SNX19: variants seen among roughly 807,000 people sequenced by gnomAD.
The protein encoded by SNX19 is sorting nexin 19.
In SNX19, 60 loss-of-function variants were observed where a neutral mutation model predicts 85.2. That is an observed-to-expected ratio of 0.70 (90% confidence interval 0.57 to 0.87). The LOEUF (loss-of-function observed/expected upper bound fraction) is 0.87, where lower values mean the gene tolerates loss of function less well. Ranked by LOEUF, SNX19 falls within the 40% of genes least tolerant of loss-of-function variation. The pLI, the probability that SNX19 is intolerant of heterozygous loss-of-function variation, is 0.00. For synonymous variants in SNX19, 520 were observed against 470.0 expected (o/e 1.11, Z -1.38); for missense variants, 1,201 against 1,217.8 (o/e 0.99, Z 0.21).
At chr11:130,905,277 C>T (rs1945577187) in intron 7 of SNX19, among the ~76,000 whole-genome samples, 1 of 152,178 alleles carries the variant, frequency 6.6e-6, no homozygotes, top group Non-Finnish European at 1.5e-5. Context: ...CTTCTCCCTC[C>T]CTACTTTATG....
chr11:130,909,493 T>C, intron 4 of SNX19, among the ~76,000 whole-genome samples: 1 of 152,224 alleles, frequency 6.6e-6, no homozygotes, highest in East Asian at 1.9e-4. Context: ...AGCTCTGACA[T>C]GTTACACAAA....
At chr11:130,900,590 T>C (rs1207956141) in intron 8 of SNX19, among the ~76,000 whole-genome samples, 2 of 152,194 alleles carry the variant, frequency 1.3e-5, no homozygotes, top group East Asian at 3.9e-4. Flanking sequence ...TTATTCAAAC[T>C]TCAGGTCAAC....
At chr11:130,897,772 G>C (rs1259680363) in intron 8 of SNX19, among the ~76,000 whole-genome samples, 1 of 152,172 alleles carries the variant, frequency 6.6e-6, no homozygotes, top group Non-Finnish European at 1.5e-5. Flanking sequence ...ATCTGATTCT[G>C]ATGTTTGCAG....
At position 130,866,780 on chromosome 11, in the gene SNX19, T is replaced by C. The variant is rs1259412485; in HGVS notation, c.*11642A>G. Reference sequence around the variant, plus strand: ...TGAAACACTGAAGGCTTTAGGTTCATACCTGTATACGAAGGATAGTCCTGG... The same window carrying C: ...TGAAACACTGAAGGCTTTAGGTTCACACCTGTATACGAAGGATAGTCCTGG... On this transcript the variant is annotated 3_prime_UTR_variant, in exon 11 of 11. Transcript: ENST00000265909. The C allele has an allele frequency of 6.6e-6, 1 of 152,204 alleles. No homozygotes were observed. The highest frequency in any genetic ancestry group is 1.5e-5 in the Non-Finnish European group (1 of 68,048). The allele number at this position is 152,204 out of a possible 1,614,324, so 9.4% of individuals were successfully genotyped here.
rs1945365820 is a variant in SNX19, at chr11:130,903,052, AC to A, written c.2573+202del. 8.3e-5 allele frequency: 49 copies of A among 591,276 alleles called. 2 individuals are homozygous for A. In the South Asian group the frequency reaches 1.1e-3, roughly 13 times the overall value. 36.6% of individuals were successfully genotyped at this position (591,276 alleles called of 1,614,324 possible). On this transcript the variant is annotated intron_variant, in intron 8 of 10. Coordinates refer to ENST00000265909, the MANE Select transcript of SNX19 (RefSeq NM_014758.3). ...CTCAGTACATTATGCCAGAAGTCTT[AC>A]AGTCTTACTTTCAAATTGTAGACAA...
At chr11:130,913,161 T>G (rs1384208159) in intron 1 of SNX19, among the ~76,000 whole-genome samples, 1 of 152,166 alleles carries the variant, frequency 6.6e-6, no homozygotes, top group East Asian at 1.9e-4. Context: ...AAAAACCTGC[T>G]GTTTTATGTC....
At chr11:130,906,795 C>T (rs6590536) in intron 5 of SNX19, 74 bp from the exon 6 acceptor site, 675,186 of 1,048,090 alleles carry the variant, frequency 0.64, 219,964 homozygotes, top group South Asian at 0.79. Flanking sequence ...CTGGCAAGTA[C>T]TGATAATAAA....
intron 4 of SNX19, among the ~76,000 whole-genome samples, chr11:130,909,322 T>G (rs1202947267): frequency 6.6e-6 from 1 of 152,224 alleles, no homozygotes; most frequent in Non-Finnish European, 1.5e-5. Flanking sequence ...TGAAATTCTA[T>G]TTTATTTGTT....
In SNX19 at chr11:130,914,688, C is replaced by T; in HGVS notation, c.1252G>A (p.Ala418Thr). 1 of 1,613,948 alleles carries T rather than the reference C, an allele frequency of 6.2e-7. No individual in the cohort carries two copies. Among genetic ancestry groups the T allele is most frequent in the African/African-American group, 1.3e-5 (1 of 75,000 alleles). The change falls in exon 1 of 11, where the codon GCA becomes ACA. Residue 418 changes from alanine to threonine, a missense_variant. Ala to Thr is a moderately conservative substitution (Grantham distance 58). Coordinates refer to ENST00000265909, the MANE Select transcript of SNX19 (RefSeq NM_014758.3). Reference protein sequence around the residue: ...SQALEPKDGEASEGAEAEEGP... With the variant: ...SQALEPKDGETSEGAEAEEGP... ...TCCTCAGCCTCTGCTCCTTCAGATG[C>T]CTCACCATCTTTGGGTTCCAGAGCC...
chr11:130,900,256 T>C (rs1169827293), intron 8 of SNX19, among the ~76,000 whole-genome samples: 2 of 152,174 alleles, frequency 1.3e-5, no homozygotes, highest in East Asian at 3.9e-4. Flanking sequence ...TGAGCTATGA[T>C]TGCAGTGCCA....
chr11:130,884,548 A>G (rs1943908439), intron 8 of SNX19, among the ~76,000 whole-genome samples: 1 of 152,032 alleles, frequency 6.6e-6, no homozygotes, highest in Non-Finnish European at 1.5e-5. Context: ...ACACACACAC[A>G]CGTTTCTCTT....
intron 8 of SNX19, among the ~76,000 whole-genome samples, chr11:130,888,604 G>T (rs1399653739): frequency 6.6e-6 from 1 of 152,120 alleles, no homozygotes; most frequent in Non-Finnish European, 1.5e-5. Context: ...CTTCCCAAAT[G>T]TTCACAAACA....
chr11:130,905,590 C>T (rs887198904), intron 7 of SNX19: 1 of 1,286,668 alleles, frequency 7.8e-7, no homozygotes, highest in Non-Finnish European at 1.0e-6. Context: ...ACGAAAAAGG[C>T]ATGAAGGAAA....
chr11:130,902,288 A>T (rs1592339902), intron 8 of SNX19, among the ~76,000 whole-genome samples: 1 of 152,370 alleles, frequency 6.6e-6, no homozygotes, highest in East Asian at 1.9e-4. Context: ...GATGTGCATC[A>T]TCTTCTTTCA....
At chr11:130,903,716 TACACACACACACACAC>T (rs35654790) in intron 7 of SNX19, among the ~76,000 whole-genome samples, 1 of 143,332 alleles carries the variant, frequency 7.0e-6, no homozygotes, top group African/African-American at 2.6e-5. Context: ...TATATACACA[TACACACACACACACAC>T]ACACACACAC....
Position 130,890,890 on chromosome 11 carries a change from CT to C in SNX19, c.2574-10085del, listed in dbSNP as rs10678203. ...CACTTCCTATGGTAGGGATTTGGGT[CT>C]TTTTTTTTTTTTTGTATTTTGATCA... On this transcript the variant is annotated intron_variant, in intron 8 of 10. Transcript: ENST00000265909. Among the ~76,000 whole-genome samples, 94 of 142,994 alleles carry C rather than the reference CT, an allele frequency of 6.6e-4. 1 individual carries two copies. The highest frequency in any genetic ancestry group is 1.1e-3 in the South Asian group (5 of 4,508). 93.8% of individuals were successfully genotyped at this position (142,994 alleles called of 152,430 possible). A position where few individuals can be genotyped will look rare whatever the true frequency, so the allele number is the denominator to read the frequency against.
At chr11:130,881,378 A>G (rs1311242640) in intron 8 of SNX19, among the ~76,000 whole-genome samples, 1 of 152,172 alleles carries the variant, frequency 6.6e-6, no homozygotes, top group Non-Finnish European at 1.5e-5. Flanking sequence ...CTACCGTACA[A>G]GAAGTTTTAC....
chr11:130,890,807 A>T (rs1225831973), intron 8 of SNX19, among the ~76,000 whole-genome samples: 1 of 152,048 alleles, frequency 6.6e-6, no homozygotes, highest in Admixed American at 6.5e-5. Context: ...TTCTTTTCAA[A>T]GCACTGATTT....
At chr11:130,913,604 A>G (rs1946314117) in intron 1 of SNX19, among the ~76,000 whole-genome samples, 1 of 152,218 alleles carries the variant, frequency 6.6e-6, no homozygotes, top group Non-Finnish European at 1.5e-5. Flanking sequence ...GTGGAAGGCA[A>G]GTAAAATCCA....
Sources: allele counts gnomAD v4.1 joint callset (sites outside exome capture counted in the v4.1 genomes callset), GRCh38; gene constraint gnomAD v4.1.1; transcripts MANE v1.5; gene names NCBI Gene and HGNC (gene_info 2026-07-23, HGNC 2026-07-21).